Variants in PRKCB observed in about 807,000 individuals in gnomAD.
The protein encoded by PRKCB is protein kinase C beta.
PRKCB carries 13 observed loss-of-function variants against 81.5 expected under a neutral mutation model. That is an observed-to-expected ratio of 0.16 (90% CI 0.10 to 0.25). The LOEUF (loss-of-function observed/expected upper bound fraction) is 0.25. Ranked by LOEUF, PRKCB falls within the 10% of genes least tolerant of loss-of-function variation. The probability of loss-of-function intolerance (pLI) is 1.00; values close to 1 mark genes in which losing one functional copy is unlikely to be tolerated. For synonymous variants in PRKCB, 335 were observed against 321.4 expected, an observed-to-expected ratio of 1.04 and a Z score of -0.45; for missense variants, 509 against 875.7, an observed-to-expected ratio of 0.58 and a Z score of 5.29.
chr16:24,152,535 T>G (rs990593316), intron 9 of PRKCB, among the ~76,000 whole-genome samples: 1 of 152,198 alleles, frequency 6.6e-6, no homozygotes, highest in Non-Finnish European at 1.5e-5. Flanking sequence ...CCAATTCCTC[T>G]GCTCACTTGT....
chr16:23,874,868 T>G (rs1157852091), intron 2 of PRKCB, among the ~76,000 whole-genome samples: 1 of 152,184 alleles, frequency 6.6e-6, no homozygotes, highest in Non-Finnish European at 1.5e-5. Flanking sequence ...TTAATCTAAC[T>G]TGTGTTCCTG....
chr16:24,011,021 C>A (rs577139415), intron 3 of PRKCB, among the ~76,000 whole-genome samples: 2 of 152,134 alleles, frequency 1.3e-5, no homozygotes, highest in Non-Finnish European at 2.9e-5. Flanking sequence ...TGTGCCGCTA[C>A]GCCTGGTTGA....
In PRKCB at chr16:24,219,931, G is replaced by A. The variant is rs41278144; in HGVS notation, c.*5115G>A. The stretch of plus-strand genomic sequence containing the variant: ...GGTCCTGTGTCTTTCTTCTTACGCT[G>A]TGTTAATGTGTTTACTTTCCATTTG... On this transcript the variant is annotated 3_prime_UTR_variant, in exon 17 of 17. Transcript: ENST00000643927. 0.022 allele frequency: 35,478 copies of A among 1,612,344 alleles called. 484 individuals are homozygous for A. The highest frequency in any genetic ancestry group is 0.027 in the Middle Eastern group (163 of 6,054).
chr16:24,037,887 GA>G (rs1965644132), intron 5 of PRKCB, among the ~76,000 whole-genome samples: 1 of 150,584 alleles, frequency 6.6e-6, no homozygotes, highest in Non-Finnish European at 1.5e-5. Flanking sequence ...GAAACGAAAA[GA>G]AAAAGAAAAA....
In PRKCB at chr16:24,113,034, A is replaced by C. The variant is rs998179536; in HGVS notation, c.883A>C (p.Ser295Arg). 6.2e-7 allele frequency: 1 copy of C among 1,613,244 alleles called. No homozygotes were observed. Among genetic ancestry groups the C allele is most frequent in the African/African-American group, 1.3e-5 (1 of 74,892 alleles). ...CAATGTGCCTGTGCCACCAGAAGGA[A>C]GTGAGGCCAATGAAGAACTGCGGCA... is the stretch of plus-strand genomic sequence containing the variant. ...YFNVPVPPEG[S>R]EANEELRQKF... Residue 295 changes from serine (S) to arginine (R), a missense_variant, in exon 8 of 17, where the codon AGT becomes CGT. This residue lies in a region of PRKCB where 80 missense variants were observed against 89.4 expected (regional missense o/e 0.90). Transcript: ENST00000643927.
chr16:23,862,599 T>A (rs975906643), intron 2 of PRKCB, among the ~76,000 whole-genome samples: 4 of 152,182 alleles, frequency 2.6e-5, no homozygotes, highest in African/African-American at 4.8e-5. Context: ...AGGAAAAAAT[T>A]TTTTTTTCGT....
chr16:24,180,727 C>T, intron 12 of PRKCB, 63 bp from the exon 13 acceptor site: 1 of 1,566,688 alleles, frequency 6.4e-7, no homozygotes, highest in Non-Finnish European at 8.7e-7. Flanking sequence ...TAATGAGTGG[C>T]TGTTGGTTGG....
chr16:23,957,101 G>T (rs1964360049), intron 2 of PRKCB, among the ~76,000 whole-genome samples: 1 of 150,346 alleles, frequency 6.7e-6, no homozygotes, highest in African/African-American at 2.4e-5. Flanking sequence ...TTTCAATTAT[G>T]TAAAAATAAT....
chr16:24,185,091 G>T lies in PRKCB; in HGVS notation c.1534-20G>T. On this transcript the variant is annotated intron_variant, in intron 13 of 16. Transcript: ENST00000643927. ...ACATGAACTGCAAACCTCCCTGATA[G>T]GGTGCCTTCTCTTTTCTAGATAATT... 1 of 1,608,806 alleles carries T rather than the reference G, an allele frequency of 6.2e-7. No homozygotes were observed. The highest frequency in any genetic ancestry group is 1.1e-5 in the South Asian group (1 of 90,918).
At chr16:24,074,404 A>G (rs1966152477) in intron 5 of PRKCB, among the ~76,000 whole-genome samples, 2 of 152,194 alleles carry the variant, frequency 1.3e-5, no homozygotes, top group Admixed American at 1.3e-4. Context: ...GTCAGGTTCC[A>G]CATCAGTAAA....
rs1303081077 is a variant in PRKCB at position 24,220,021 on chromosome 16, AC to A, written c.*5210del. On this transcript the variant is annotated 3_prime_UTR_variant, in exon 17 of 17. Coordinates refer to ENST00000643927, the MANE Select transcript of PRKCB (RefSeq NM_002738.7). ...GTTCACCAGACAGCCTGTGGAACTG[AC>A]CCCCACTGATAAACTCTTCATCATG... 1.2e-6 allele frequency: 2 copies of A among 1,614,032 alleles called. No individual in the cohort carries two copies. The highest frequency in any genetic ancestry group is 1.7e-6 in the Non-Finnish European group (2 of 1,179,976).
intron 7 of PRKCB, among the ~76,000 whole-genome samples, chr16:24,101,933 A>G (rs1331297720): frequency 1.3e-5 from 2 of 152,214 alleles, no homozygotes; most frequent in South Asian, 2.1e-4. Context: ...AGGTTTCATC[A>G]TTTCCAAGGC....
At chr16:24,115,830 A>G (rs1966731873) in intron 8 of PRKCB, among the ~76,000 whole-genome samples, 1 of 152,066 alleles carries the variant, frequency 6.6e-6, no homozygotes, top group Non-Finnish European at 1.5e-5. Context: ...GGTTCACGCC[A>G]TTCTCCTGCC....
intron 2 of PRKCB, among the ~76,000 whole-genome samples, chr16:23,866,383 AG>A (rs1279331353): frequency 2.0e-5 from 3 of 152,244 alleles, no homozygotes; most frequent in Non-Finnish European, 4.4e-5. Flanking sequence ...TAAGTTCATA[AG>A]AAATGCATAA....
intron 3 of PRKCB, among the ~76,000 whole-genome samples, chr16:23,992,017 C>T (rs889940990): frequency 6.6e-6 from 1 of 152,210 alleles, no homozygotes; most frequent in Non-Finnish European, 1.5e-5. Context: ...GAAGAGCCCT[C>T]ATAAATGAGA....
chr16:24,168,841 C>T (rs1047437697), intron 10 of PRKCB, among the ~76,000 whole-genome samples: 2 of 151,016 alleles, frequency 1.3e-5, no homozygotes, highest in African/African-American at 2.4e-5. Context: ...ATTACAGGAG[C>T]CAGCCACCAT....
At chr16:24,176,989 G>A (rs1337545449) in intron 12 of PRKCB, among the ~76,000 whole-genome samples, 1 of 152,000 alleles carries the variant, frequency 6.6e-6, no homozygotes, top group Non-Finnish European at 1.5e-5. Context: ...AAAGAGACAG[G>A]CATCATGGGT....
At chr16:23,909,066 CA>C (rs1313865402) in intron 2 of PRKCB, among the ~76,000 whole-genome samples, 11 of 152,212 alleles carry the variant, frequency 7.2e-5, no homozygotes, top group Non-Finnish European at 1.5e-5. Flanking sequence ...AGTTGGCACT[CA>C]GTAACTGTGT....
At chr16:24,032,268 G>A in intron 4 of PRKCB, 21 bp downstream of exon 4, 2 of 1,547,630 alleles carry the variant, frequency 1.3e-6, no homozygotes, top group South Asian at 1.1e-5. Context: ...TTTCTCTCTG[G>A]GGGCATCTGC....
Sources: allele counts gnomAD v4.1 joint callset (sites outside exome capture counted in the v4.1 genomes callset), GRCh38; gene constraint gnomAD v4.1.1; regional missense constraint gnomAD v4.1.1; transcripts MANE v1.5; gene names NCBI Gene and HGNC (gene_info 2026-07-23, HGNC 2026-07-21).